Variants in PCDH11X observed in about 807,000 individuals in gnomAD.
PCDH11X encodes protocadherin 11 X-linked, also known as protocadherin-11 X-linked.
Under a neutral mutation model 53.3 loss-of-function variants are expected in PCDH11X, and 18 were observed. The ratio of observed to expected loss-of-function variants is 0.34; its 90% CI spans 0.23 to 0.50. The LOEUF is 0.50. Among genes scored for constraint, PCDH11X ranks in the 20% least tolerant of loss-of-function variants. The probability of loss-of-function intolerance (pLI) is 0.98; values close to 1 mark genes in which losing one functional copy is unlikely to be tolerated. For synonymous variants in PCDH11X, 279 were observed against 393.3 expected (o/e 0.71, Z 3.44); for missense variants, 570 against 1,032.4 (o/e 0.55, Z 6.14).
chrX:92,419,761 C>T (rs1402331120), intron 9 of PCDH11X, among the ~76,000 whole-genome samples: 1 of 97,028 alleles, frequency 1.0e-5, no homozygotes. Flanking sequence ...CTCACTGCAA[C>T]CTCTGCCTCC....
Position 92,424,471 on chromosome X carries a change from G to A in PCDH11X, c.3343+36538G>A, listed in dbSNP as rs1423807963. 3.1e-5 allele frequency among the ~76,000 whole-genome samples: 3 copies of A among 96,228 alleles called. 1 individual carries two copies. The highest frequency in any genetic ancestry group is 6.1e-4 in the East Asian group (2 of 3,294). The allele number at this position is 96,228 out of a possible 115,157, so 83.6% of individuals were successfully genotyped here. On this transcript the variant is annotated intron_variant, in intron 9 of 10. Transcript: ENST00000682573. ...AAAACCCCTTACTATCCTGCTTTGG[G>A]TCTCTCTCTGGCTCGTGCAGTTCGT...
chrX:92,525,922 T>C (rs1276360120), intron 10 of PCDH11X, among the ~76,000 whole-genome samples: 1 of 111,266 alleles, frequency 9.0e-6, no homozygotes, highest in Non-Finnish European at 1.9e-5. Context: ...CACGGAGTGC[T>C]ACCGGGTGAC....
intron 6 of PCDH11X, among the ~76,000 whole-genome samples, chrX:91,952,692 A>G (rs2147874148): frequency 8.9e-6 from 1 of 111,923 alleles, no homozygotes; most frequent in East Asian, 2.8e-4. Flanking sequence ...TCCTGGGCAT[A>G]TACTGAAAAG....
intron 8 of PCDH11X, among the ~76,000 whole-genome samples, chrX:92,379,168 C>G (rs1337949288): frequency 4.4e-5 from 5 of 112,627 alleles, no homozygotes; most frequent in Non-Finnish European, 9.4e-5. Context: ...GTTGCAGGGG[C>G]CCAGCTGGGA....
intron 6 of PCDH11X, among the ~76,000 whole-genome samples, chrX:91,886,169 G>A (rs1264503006): frequency 9.0e-6 from 1 of 111,377 alleles, no homozygotes; most frequent in Non-Finnish European, 1.9e-5. Context: ...TTATTATTAC[G>A]TTTGCCTTGC....
rs3067347 is a variant in PCDH11X, at chrX:91,843,263, A to ATGTGTGTGTG, written c.540+7249_540+7258dup. On this transcript the variant is annotated intron_variant, in intron 5 of 10. Transcript: ENST00000682573. The stretch of plus-strand genomic sequence containing the variant: ...TTATTTTATATATACATACATACTT[A>ATGTGTGTGTG]TGTGTGTGTGTGTGTGTGTGTGTGT... 6.1e-3 allele frequency among the ~76,000 whole-genome samples: 560 copies of ATGTGTGTGTG among 91,385 alleles called. 3 individuals are homozygous for ATGTGTGTGTG. The highest frequency in any genetic ancestry group is 0.021 in the African/African-American group (527 of 25,060). The allele number at this position is 91,385 out of a possible 115,157, so 79.4% of individuals were successfully genotyped here.
At chrX:92,359,296 G>T (rs1330783574) in intron 8 of PCDH11X, among the ~76,000 whole-genome samples, 2 of 110,026 alleles carry the variant, frequency 1.8e-5, no homozygotes, top group Non-Finnish European at 3.8e-5. Flanking sequence ...TGATCAGAAG[G>T]AAAGAAAGAG....
chrX:92,150,783 T>C (rs1006161087), intron 6 of PCDH11X, among the ~76,000 whole-genome samples: 23 of 110,018 alleles, frequency 2.1e-4, no homozygotes, highest in Non-Finnish European at 2.4e-4. Context: ...TCCAAAAGGA[T>C]TTTATGTTGT....
intron 1 of PCDH11X, among the ~76,000 whole-genome samples, chrX:91,794,136 T>C (rs778286633): frequency 8.9e-6 from 1 of 112,184 alleles, no homozygotes; most frequent in African/African-American, 3.2e-5. Flanking sequence ...AAAACTACAG[T>C]TCTACATAAA....
chrX:92,319,775 C>A (rs1427849467), intron 8 of PCDH11X, among the ~76,000 whole-genome samples: 2 of 111,800 alleles, frequency 1.8e-5, no homozygotes. Flanking sequence ...CCTGGCATTT[C>A]ATGAGTACTT....
intron 1 of PCDH11X, among the ~76,000 whole-genome samples, chrX:91,805,906 T>C (rs959001260): frequency 1.8e-5 from 2 of 109,392 alleles, no homozygotes; most frequent in East Asian, 2.8e-4. Context: ...AAAAAGAAAA[T>C]AATATTTGTT....
chrX:92,526,874 G>T (rs1365189932), intron 10 of PCDH11X, among the ~76,000 whole-genome samples: 2 of 107,838 alleles, frequency 1.9e-5, no homozygotes, highest in Non-Finnish European at 3.8e-5. Flanking sequence ...AGATTTGTAA[G>T]CAACCCAACT....
intron 6 of PCDH11X, among the ~76,000 whole-genome samples, chrX:91,917,063 A>T (rs956583758): frequency 3.6e-5 from 4 of 111,720 alleles, no homozygotes; most frequent in Non-Finnish European, 7.5e-5. Flanking sequence ...AACAAAAATC[A>T]CACGATTTTC....
At chrX:92,200,388 A>G (rs1042056409) in intron 6 of PCDH11X, among the ~76,000 whole-genome samples, 11 of 112,106 alleles carry the variant, frequency 9.8e-5, no homozygotes, top group African/African-American at 3.6e-4. Context: ...AACTGAAAGT[A>G]GATCTATCAT....
intron 8 of PCDH11X, 140 bp downstream of exon 8, chrX:92,263,283 A>G: frequency 6.2e-6 from 3 of 480,141 alleles, no homozygotes; most frequent in Non-Finnish European, 6.6e-6. Flanking sequence ...AAAGAGAGTC[A>G]AGCTGAGCTG....
rs1363634583 is a variant in PCDH11X at position 91,973,528 on chromosome X, C to T, written c.3033+94255C>T. Among the ~76,000 whole-genome samples, 3 of 106,577 alleles carry T rather than the reference C, an allele frequency of 2.8e-5. No homozygotes were observed. In the East Asian group the frequency reaches 8.8e-4, roughly 31 times the overall value. 92.5% of individuals were successfully genotyped at this position (106,577 alleles called of 115,157 possible). On this transcript the variant is annotated intron_variant, in intron 6 of 10. Transcript: ENST00000682573. ...ACACAAAAAATGATAAGTATGTGAG[C>T]TAATGTGTGTTAAATAGCTTGATTT...
rs1333907414 is a variant in PCDH11X, at chrX:92,620,100, A to AAAT, written c.*1161_*1163dup. Reference sequence around the variant, plus strand: ...GAATATCAGGAAGGAACTTTTCAAGAAATGTAATTATAAATCTACATCAAA... The same window carrying AAAT: ...GAATATCAGGAAGGAACTTTTCAAGAAATAATGTAATTATAAATCTACATCAAA... On this transcript the variant is annotated 3_prime_UTR_variant, in exon 11 of 11. Coordinates refer to ENST00000682573, the MANE Select transcript of PCDH11X (RefSeq NM_032968.5). The AAAT allele has an allele frequency of 9.1e-6, 1 of 110,253 alleles. No homozygotes were observed. Among genetic ancestry groups the AAAT allele is most frequent in the Non-Finnish European group, 1.9e-5 (1 of 52,711 alleles). 9.1% of individuals were successfully genotyped at this position (110,253 alleles called of 1,213,427 possible).
chrX:92,357,822 TTA>T (rs1431906607), intron 8 of PCDH11X, among the ~76,000 whole-genome samples: 2 of 111,374 alleles, frequency 1.8e-5, no homozygotes. Flanking sequence ...CTTTTCAGTG[TTA>T]TGTCTGTTTT....
intron 8 of PCDH11X, among the ~76,000 whole-genome samples, chrX:92,366,891 C>A (rs1222992169): frequency 9.1e-6 from 1 of 110,246 alleles, no homozygotes; most frequent in South Asian, 3.9e-4. Context: ...TTTGCATTTG[C>A]TGAGGAGTTT....
Sources: allele counts gnomAD v4.1 joint callset (sites outside exome capture counted in the v4.1 genomes callset), GRCh38; gene constraint gnomAD v4.1.1; transcripts MANE v1.5; gene names NCBI Gene and HGNC (gene_info 2026-07-23, HGNC 2026-07-21).